VWA8: variants seen among roughly 807,000 people sequenced by gnomAD.
VWA8 encodes von Willebrand factor A domain containing 8, also known as von Willebrand factor A domain-containing protein 8.
VWA8 carries 221 observed loss-of-function variants against 241.5 expected under a neutral mutation model. The observed-to-expected ratio is 0.91, with a 90% CI of 0.82 to 1.02. VWA8 has a LOEUF of 1.02. VWA8 is among the 50% of genes least tolerant of loss of function. The pLI, the probability that VWA8 is intolerant of heterozygous loss-of-function variation, is 0.00. For synonymous variants in VWA8, 852 were observed against 827.1 expected (o/e 1.03, Z -0.52); for missense variants, 2,322 against 2,328.7 (o/e 1.00, Z 0.06).
intron 12 of VWA8, among the ~76,000 whole-genome samples, chr13:41,856,165 A>AAATT (rs1232025020): frequency 6.6e-6 from 1 of 152,000 alleles, no homozygotes; most frequent in Non-Finnish European, 1.5e-5. Flanking sequence ...GTAAAACCCC[A>AAATT]TCGCTACTAA....
chr13:41,643,638 C>T (rs1016880864), intron 37 of VWA8, among the ~76,000 whole-genome samples: 9 of 152,164 alleles, frequency 5.9e-5, no homozygotes, highest in Admixed American at 2.6e-4. Flanking sequence ...GCTTAATGAA[C>T]GCCAGTGTAG....
intron 12 of VWA8, among the ~76,000 whole-genome samples, chr13:41,856,666 C>CA (rs1301439853): frequency 2.0e-5 from 3 of 151,508 alleles, no homozygotes; most frequent in Admixed American, 1.3e-4. Flanking sequence ...ACCAAAAATA[C>CA]AAAAAAAATT....
intron 12 of VWA8, among the ~76,000 whole-genome samples, chr13:41,841,702 G>A (rs1403528498): frequency 7.7e-5 from 11 of 143,490 alleles, no homozygotes; most frequent in African/African-American, 1.0e-4. Flanking sequence ...GGAGAATGGC[G>A]TGAACCAAGG....
intron 4 of VWA8, among the ~76,000 whole-genome samples, chr13:41,907,351 C>T (rs1353828993): frequency 6.6e-6 from 1 of 152,196 alleles, no homozygotes; most frequent in African/African-American, 2.4e-5. Context: ...GAAATCAGCA[C>T]ATTGATCTTT....
At chr13:41,805,964 T>C (rs1027589764) in intron 17 of VWA8, among the ~76,000 whole-genome samples, 2 of 148,344 alleles carry the variant, frequency 1.3e-5, no homozygotes, top group Non-Finnish European at 3.0e-5. Context: ...AGAGACCATA[T>C]ATTAGGCCAC....
At chr13:41,574,174 TAAAAAA>T (rs59813167) in intron 43 of VWA8, among the ~76,000 whole-genome samples, 59 of 137,244 alleles carry the variant, frequency 4.3e-4, no homozygotes, top group African/African-American at 1.2e-3. Context: ...AAGTTTTCTG[TAAAAAA>T]AAAAAAAAAG....
rs1876815734 is a variant in VWA8, at chr13:41,926,034, C to G, written c.242-13866G>C. On this transcript the variant is annotated intron_variant, in intron 2 of 44. Transcript: ENST00000379310. ...TGAGGGAAAGTTCATCTTCTATGAC[C>G]TTCAAGGAGAGGGGGTCAAGTTGCA... The G allele has an allele frequency of 1.1e-5, 5 of 437,406 alleles. No individual in the cohort carries two copies. The South Asian group carries it at 1.5e-4, about 13-fold the overall frequency. The allele number at this position is 437,406 out of a possible 1,614,324, so 27.1% of individuals were successfully genotyped here.
chr13:41,655,091 T>A (rs1027469517), intron 37 of VWA8, among the ~76,000 whole-genome samples: 153 of 129,318 alleles, frequency 1.2e-3, no homozygotes, highest in African/African-American at 3.9e-3. Context: ...AAAACTGAAA[T>A]TTTTTTTTTT....
intron 12 of VWA8, among the ~76,000 whole-genome samples, chr13:41,844,713 C>A (rs759038887): frequency 1.3e-5 from 2 of 151,822 alleles, no homozygotes; most frequent in Non-Finnish European, 2.9e-5. Context: ...AATGGATACA[C>A]CGATAACATT....
chr13:41,940,077 A>T lies in VWA8; in HGVS notation c.241+9859T>A, dbSNP rs181531587. Among the ~76,000 whole-genome samples, 110 of 152,314 alleles carry T rather than the reference A, an allele frequency of 7.2e-4. 1 individual carries two copies. The highest frequency in any genetic ancestry group is 2.4e-3 in the African/African-American group (99 of 41,570). Reference sequence around the variant, plus strand: ...TAAATAGCTAGAGACATCGTAGCAGACTGTAAAAGGAAAACCAAACTGAAG... The same window carrying T: ...TAAATAGCTAGAGACATCGTAGCAGTCTGTAAAAGGAAAACCAAACTGAAG... On this transcript the variant is annotated intron_variant, in intron 2 of 44. Transcript: ENST00000379310.
At chr13:41,848,716 T>TAAATAA (rs1458215476) in intron 12 of VWA8, among the ~76,000 whole-genome samples, 2 of 152,200 alleles carry the variant, frequency 1.3e-5, no homozygotes, top group African/African-American at 4.8e-5. Flanking sequence ...TAAAATTAAC[T>TAAATAA]AGTCTTGGGT....
At chr13:41,761,743 T>A (rs779230787) in intron 20 of VWA8, among the ~76,000 whole-genome samples, 25 of 152,110 alleles carry the variant, frequency 1.6e-4, no homozygotes, top group Non-Finnish European at 3.4e-4. Flanking sequence ...CAAGGTGTAT[T>A]AATAAAACTC....
intron 37 of VWA8, among the ~76,000 whole-genome samples, chr13:41,616,430 A>C (rs1041939803): frequency 1.3e-5 from 2 of 152,228 alleles, no homozygotes; most frequent in African/African-American, 4.8e-5. Context: ...ATCATGCTCT[A>C]AAAATGGGTG....
chr13:41,895,831 CTTTTT>C (rs59080554), intron 4 of VWA8, among the ~76,000 whole-genome samples: 5 of 130,024 alleles, frequency 3.8e-5, no homozygotes, highest in Non-Finnish European at 6.5e-5. Flanking sequence ...TGCAAATTTT[CTTTTT>C]TTTTTTTTTT....
chr13:41,897,353 A>T (rs1167381964), intron 4 of VWA8, among the ~76,000 whole-genome samples: 1 of 152,160 alleles, frequency 6.6e-6, no homozygotes, highest in Non-Finnish European at 1.5e-5. Flanking sequence ...CCACAATGAG[A>T]CCTCTCACTC....
chr13:41,873,739 A>C (rs1038782278), intron 9 of VWA8, among the ~76,000 whole-genome samples: 2 of 152,196 alleles, frequency 1.3e-5, no homozygotes, highest in Non-Finnish European at 2.9e-5. Context: ...ATTCACAGCC[A>C]AATTCTACCA....
chr13:41,886,005 G>A lies in VWA8; in HGVS notation c.890C>T (p.Ala297Val). Residue 297 changes from alanine (A) to valine (V), a missense_variant, in exon 8 of 45, where the codon GCC becomes GTC. Coordinates refer to ENST00000379310, the MANE Select transcript of VWA8 (RefSeq NM_015058.2). ...AGATTCTTGGGAACACAGAGTTGTG[G>A]CAAAGGACAAGAGCTGAGAAACTCT... Reference protein sequence around the residue: ...AEKVSQLLSFATTLCSQESST... With the variant: ...AEKVSQLLSFVTTLCSQESST... 6.2e-7 allele frequency: 1 copy of A among 1,603,602 alleles called. No individual in the cohort carries two copies. The highest frequency in any genetic ancestry group is 8.5e-7 in the Non-Finnish European group (1 of 1,177,060).
intron 1 of VWA8, among the ~76,000 whole-genome samples, chr13:41,959,138 A>G (rs982947260): frequency 2.0e-5 from 3 of 152,346 alleles, no homozygotes; most frequent in African/African-American, 7.2e-5. Flanking sequence ...AAAACTGTAC[A>G]TACTAAGAAT....
chr13:41,574,859 A>T (rs1338404471), intron 43 of VWA8, among the ~76,000 whole-genome samples: 1 of 152,220 alleles, frequency 6.6e-6, no homozygotes, highest in Non-Finnish European at 1.5e-5. Flanking sequence ...GAAAGTCCTT[A>T]AAGAACTAAA....
Sources: allele counts gnomAD v4.1 joint callset (sites outside exome capture counted in the v4.1 genomes callset), GRCh38; gene constraint gnomAD v4.1.1; transcripts MANE v1.5; gene names NCBI Gene and HGNC (gene_info 2026-07-23, HGNC 2026-07-21).